NTRK3: variants seen among roughly 807,000 people sequenced by gnomAD.
NTRK3 encodes neurotrophic receptor tyrosine kinase 3.
NTRK3 carries 24 observed loss-of-function variants against 91.7 expected under a neutral mutation model. That is an observed-to-expected ratio of 0.26 (90% CI 0.19 to 0.37). The LOEUF (loss-of-function observed/expected upper bound fraction) is 0.37, where lower values mean the gene tolerates loss of function less well. Ranked by LOEUF, NTRK3 falls within the 10% of genes least tolerant of loss-of-function variation. The pLI is 1.00. For synonymous variants in NTRK3, 483 were observed against 404.0 expected (o/e 1.20, Z -2.34); for missense variants, 880 against 1,068.9 (o/e 0.82, Z 2.46).
chr15:88,220,761 A>G (rs1357423685), intron 3 of NTRK3, among the ~76,000 whole-genome samples: 2 of 152,132 alleles, frequency 1.3e-5, no homozygotes, highest in African/African-American at 4.8e-5. Context: ...TCTGTCCCTC[A>G]AGCCAGAGGA....
intron 13 of NTRK3, among the ~76,000 whole-genome samples, chr15:88,055,958 C>T (rs1046978533): frequency 7.9e-5 from 12 of 151,894 alleles, no homozygotes; most frequent in African/African-American, 2.4e-4. Flanking sequence ...ATGAGCCAAC[C>T]GAAGCCACTG....
intron 14 of NTRK3, among the ~76,000 whole-genome samples, chr15:88,032,281 G>A (rs1230520964): frequency 6.6e-6 from 1 of 152,104 alleles, no homozygotes; most frequent in Non-Finnish European, 1.5e-5. Flanking sequence ...AGATGAGAGG[G>A]AAACAGGTGC....
intron 17 of NTRK3, 32 bp downstream of exon 18, chr15:87,885,662 A>G (rs2141514693): frequency 8.3e-7 from 1 of 1,204,312 alleles, no homozygotes; most frequent in African/African-American, 1.6e-5. Flanking sequence ...ACAATGAACT[A>G]TTCATTAAAA....
At chr15:88,219,274 T>C (rs1248455568) in intron 3 of NTRK3, among the ~76,000 whole-genome samples, 1 of 152,222 alleles carries the variant, frequency 6.6e-6, no homozygotes, top group Non-Finnish European at 1.5e-5. Flanking sequence ...CAAATTAAGT[T>C]TAATCCTCTC....
At chr15:87,950,223 G>A (rs1184929630) in intron 14 of NTRK3, among the ~76,000 whole-genome samples, 1 of 152,226 alleles carries the variant, frequency 6.6e-6, no homozygotes, top group Non-Finnish European at 1.5e-5. Flanking sequence ...ATGAGATGCA[G>A]CTCCATGATG....
At chr15:88,183,018 C>A (rs1333840966) in intron 5 of NTRK3, among the ~76,000 whole-genome samples, 1 of 134,690 alleles carries the variant, frequency 7.4e-6, no homozygotes, top group Non-Finnish European at 1.6e-5. Flanking sequence ...TGCAACCCCC[C>A]CCCGCCCCCC....
chr15:88,256,017 C>T (rs769920098), exon 3 of NTRK3: 1 of 1,613,604 alleles, frequency 6.2e-7, no homozygotes, highest in South Asian at 1.1e-5. Flanking sequence ...GTCCGGCCGC[C>T]GGCAATTGAT....
exon 19 of NTRK3, chr15:87,873,803 C>T (rs926719462): frequency 2.2e-5 from 5 of 231,774 alleles, no homozygotes; most frequent in African/African-American, 6.6e-5. Flanking sequence ...GGCTTACAGT[C>T]GTCTCAGACA....
exon 19 of NTRK3, chr15:87,861,767 AT>A (rs900808156): frequency 8.7e-5 from 17 of 196,066 alleles, no homozygotes; most frequent in African/African-American, 3.9e-4. Context: ...AATTTTAGGA[AT>A]TTTTTCAGAA....
exon 19 of NTRK3, chr15:87,876,270 A>G (rs936006632): frequency 5.2e-5 from 12 of 232,158 alleles, no homozygotes; most frequent in Middle Eastern, 1.3e-3. Flanking sequence ...TTGATTCCCA[A>G]AAGCATCAAG....
intron 3 of NTRK3, among the ~76,000 whole-genome samples, chr15:88,217,383 TG>T (rs1051794460): frequency 2.0e-5 from 3 of 152,168 alleles, no homozygotes; most frequent in Admixed American, 2.0e-4. Context: ...GATAACAAAA[TG>T]TGGTAAATAC....
At chr15:87,914,873 C>G (rs1252677993) in intron 17 of NTRK3, among the ~76,000 whole-genome samples, 1 of 152,192 alleles carries the variant, frequency 6.6e-6, no homozygotes, top group Non-Finnish European at 1.5e-5. Flanking sequence ...GGAGTACAGA[C>G]CACCACCTAC....
At chr15:88,253,180 G>A (rs1173613541) in intron 3 of NTRK3, 1 of 152,248 alleles carries the variant, frequency 6.6e-6, no homozygotes, top group Non-Finnish European at 1.5e-5. Flanking sequence ...CAGGCCAGTA[G>A]GGAGCTAGGG....
chr15:88,135,800 C>T (rs1379634368), intron 9 of NTRK3, 99 bp downstream of exon 9: 1 of 1,502,042 alleles, frequency 6.7e-7, no homozygotes, highest in Non-Finnish European at 9.0e-7. Flanking sequence ...GATCAGCTCA[C>T]TGCTCTAGCT....
intron 5 of NTRK3, among the ~76,000 whole-genome samples, chr15:88,160,938 T>C (rs1414171972): frequency 6.6e-6 from 1 of 152,220 alleles, no homozygotes; most frequent in Non-Finnish European, 1.5e-5. Context: ...TTAATCTCTC[T>C]GGACCTCAGA....
At chr15:88,238,162 C>A (rs982664445) in intron 3 of NTRK3, among the ~76,000 whole-genome samples, 1 of 152,162 alleles carries the variant, frequency 6.6e-6, no homozygotes, top group South Asian at 2.1e-4. Flanking sequence ...CCTGCCAACA[C>A]CTTCATCTTG....
rs116124272 is a variant in NTRK3, at chr15:88,152,408, G to C, written c.396-5005C>G. 6.4e-3 allele frequency among the ~76,000 whole-genome samples: 973 copies of C among 152,264 alleles called. 13 individuals are homozygous for C. The highest frequency in any genetic ancestry group is 0.022 in the African/African-American group (919 of 41,534). ...AATTAAAGTTAAGTAAGGACATATG[G>C]GTGGTCCTTAATCCAATATGACTAG... On this transcript the variant is annotated intron_variant, in intron 5 of 18. Coordinates refer to ENST00000394480, the Ensembl canonical transcript of NTRK3.
chr15:88,240,178 C>G lies in NTRK3; in HGVS notation c.248+15728G>C, dbSNP rs541114684. ...CAGGGCTGCTGCATCTGTATGGCTC[C>G]CCTACTTTCCCATCCCGTCCCCAGC... On this transcript the variant is annotated intron_variant, in intron 3 of 18. Coordinates refer to ENST00000394480, the Ensembl canonical transcript of NTRK3. This position sits in a 1 kb window ranked among gnomAD's most constrained non-coding sequence, Gnocchi z 4.9. Among the ~76,000 whole-genome samples the G allele has an allele frequency of 6.6e-6, 1 of 151,726 alleles. No individual in the cohort carries two copies. Among genetic ancestry groups the G allele is most frequent in the African/African-American group, 2.4e-5 (1 of 41,324 alleles).
At chr15:88,202,341 A>G (rs971050940) in intron 3 of NTRK3, among the ~76,000 whole-genome samples, 1 of 152,060 alleles carries the variant, frequency 6.6e-6, no homozygotes. Flanking sequence ...TTTCCCTTCA[A>G]TCATTCATCT....
Sources: allele counts gnomAD v4.1 joint callset (sites outside exome capture counted in the v4.1 genomes callset), GRCh38; gene constraint gnomAD v4.1.1; non-coding constraint Gnocchi (gnomAD v3.1); transcripts MANE v1.5; gene names NCBI Gene and HGNC (gene_info 2026-07-23, HGNC 2026-07-21).